Variants in CEL observed in about 807,000 individuals in gnomAD.
CEL encodes the protein bile salt-activated lipase.
A neutral mutation model predicts 57.1 loss-of-function variants in CEL; 39 were observed. The observed-to-expected ratio is 0.68, with a 90% confidence interval of 0.53 to 0.89. The LOEUF is 0.89. CEL is among the 40% of genes least tolerant of loss of function. The pLI, the probability that CEL is intolerant of heterozygous loss-of-function variation, is 0.00. For missense variants in CEL, 698 were observed against 915.0 expected (o/e 0.76, Z 3.06); for synonymous variants, 314 against 396.6 (o/e 0.79, Z 2.48).
At chr9:133,065,739 G>A (rs545181261) in intron 4 of CEL, among the ~76,000 whole-genome samples, 7 of 151,886 alleles carry the variant, frequency 4.6e-5, no homozygotes, top group East Asian at 3.9e-4. Context: ...CCAGCTACTC[G>A]GGAGGCTGAG....
rs200716123 is a variant in CEL, at chr9:133,071,194, G to T, written c.1692G>T (p.Gly564=). The change falls in exon 11 of 11, where the codon GGG becomes GGT. Residue 564 remains glycine, a synonymous_variant. Transcript: ENST00000372080. ...DQEATPVPPT[G]DSEATPVPPT... ...AGGCCACCCCTGTGCCCCCCACAGG[G>T]GACTCCGAGGCCACTCCCGTGCCCC... is the stretch of plus-strand genomic sequence containing the variant. 4.3e-4 allele frequency: 680 copies of T among 1,598,918 alleles called. 3 individuals are homozygous for T. The highest frequency in any genetic ancestry group is 4.2e-4 in the Non-Finnish European group (493 of 1,175,914).
At chr9:133,064,867 C>T in intron 3 of CEL, 105 bp downstream of exon 3, 3 of 1,582,166 alleles carry the variant, frequency 1.9e-6, no homozygotes, top group African/African-American at 1.3e-5. Context: ...TCCATGAAAT[C>T]CCACAGAGGC....
chr9:133,066,995 C>T lies in CEL; in HGVS notation c.777+50C>T, dbSNP rs139832194. 3.4e-5 allele frequency: 54 copies of T among 1,604,448 alleles called. No individual in the cohort carries two copies. Among genetic ancestry groups the T allele is most frequent in the Non-Finnish European group, 4.3e-5 (50 of 1,171,358 alleles). Reference sequence around the variant, plus strand: ...GCGGGGTGGGGGCTGTCCACATTTCCGTTCTTTATCCTGGACCCCATCCTT... The same window carrying T: ...GCGGGGTGGGGGCTGTCCACATTTCTGTTCTTTATCCTGGACCCCATCCTT... On this transcript the variant is annotated intron_variant, in intron 6 of 10. Transcript: ENST00000372080. This position sits in a 1 kb window ranked among gnomAD's most constrained non-coding sequence, Gnocchi z 4.3.
chr9:133,070,873 A>G lies in CEL; in HGVS notation c.1485-114A>G, dbSNP rs1048857227. 18 of 1,346,698 alleles carry G rather than the reference A, an allele frequency of 1.3e-5. No homozygotes were observed. In the African/African-American group the frequency reaches 2.5e-4, roughly 18 times the overall value. 83.4% of individuals were successfully genotyped at this position (1,346,698 alleles called of 1,614,324 possible). On this transcript the variant is annotated intron_variant, in intron 10 of 10. Transcript: ENST00000372080. The stretch of plus-strand genomic sequence containing the variant: ...CAGTGCCCAGTATGCAGTGAGGGGC[A>G]TGGTGCCCAGGGCCAGCTCAGAGGG...
intron 3 of CEL, 38 bp from the exon 4 acceptor site, chr9:133,065,002 C>A: frequency 2.0e-6 from 3 of 1,538,408 alleles, no homozygotes; most frequent in South Asian, 1.3e-5. Flanking sequence ...CAGGGCCAGG[C>A]GGGGCGTCTG....
chr9:133,063,868 T>G (rs1319054944), intron 1 of CEL, among the ~76,000 whole-genome samples: 1 of 152,092 alleles, frequency 6.6e-6, no homozygotes, highest in Non-Finnish European at 1.5e-5. Flanking sequence ...CCATCGACTT[T>G]GTGCCCAGCC....
intron 1 of CEL, among the ~76,000 whole-genome samples, chr9:133,062,833 A>G (rs1377726740): frequency 6.6e-6 from 1 of 151,586 alleles, no homozygotes; most frequent in Non-Finnish European, 1.5e-5. Context: ...GCTGCCTCCT[A>G]TTCCTGTGCA....
At chr9:133,068,271 C>T (rs891110193) in intron 7 of CEL, among the ~76,000 whole-genome samples, 6 of 152,128 alleles carry the variant, frequency 3.9e-5, no homozygotes, top group Admixed American at 3.9e-4. Context: ...AGAGAGGGAG[C>T]TCCTTCTCCA....
chr9:133,065,356 G>A lies in CEL; in HGVS notation c.538+119G>A. On this transcript the variant is annotated intron_variant, in intron 4 of 10. Coordinates refer to ENST00000372080, the MANE Select transcript of CEL (RefSeq NM_001807.6). ...TGGCGGTTCACAGAAAGACCCGGAA[G>A]CTGGAGTAGAATCATGAGATGCAGG... 3.4e-6 allele frequency: 4 copies of A among 1,180,494 alleles called. No homozygotes were observed. The South Asian group carries it at 4.9e-5, about 14-fold the overall frequency. The allele number at this position is 1,180,494 out of a possible 1,614,324, so 73.1% of individuals were successfully genotyped here.
chr9:133,065,787 G>A (rs1457939533), intron 4 of CEL, among the ~76,000 whole-genome samples: 7 of 151,054 alleles, frequency 4.6e-5, no homozygotes, highest in Admixed American at 2.0e-4. Flanking sequence ...CGGAGGTTGC[G>A]GTGAGCCGAG....
Position 133,071,704 on chromosome 9 carries a change from C to T in CEL, c.2202C>T (p.Ala734=). The T allele has an allele frequency of 1.2e-6, 2 of 1,610,892 alleles. No homozygotes were observed. The highest frequency in any genetic ancestry group is 1.7e-6 in the Non-Finnish European group (2 of 1,178,412). ...CCCCCACGGGTGACTCTGAGGCTGC[C>T]CCTGTGCCCCCCACAGATGACTCCA... is the stretch of plus-strand genomic sequence containing the variant. ...PVPPTGDSEA[A]PVPPTDDSKE... is the part of the protein sequence containing the mutation. The change falls in exon 11 of 11, where the codon GCC becomes GCT. Residue 734 remains alanine, a synonymous_variant. Transcript: ENST00000372080.
chr9:133,064,324 G>A, intron 1 of CEL, 80 bp from the exon 2 acceptor site: 1 of 1,593,188 alleles, frequency 6.3e-7, no homozygotes, highest in South Asian at 1.1e-5. Context: ...TGGGCACGCG[G>A]AGTCGGCTTG....
At position 133,064,675 on chromosome 9, in the gene CEL, C is replaced by G. The variant is rs764316476; in HGVS notation, c.253C>G (p.Leu85Val). Residue 85 changes from leucine (L) to valine (V), a missense_variant, in exon 3 of 11, where the codon CTG (leucine) becomes GTG (valine). Leu to Val is a conservative substitution (Grantham distance 32). This residue lies in a region of CEL where 327 missense variants were observed against 374.1 expected (regional missense o/e 0.87). Coordinates refer to ENST00000372080, the MANE Select transcript of CEL (RefSeq NM_001807.6). ...GGCCAAGAACTTCAAGAAGAGATGC[C>G]TGCAGGCCACCATCACCCAGGACAG... Reference protein sequence around the residue: ...LKAKNFKKRCLQATITQDSTY... With the variant: ...LKAKNFKKRCVQATITQDSTY... The G allele has an allele frequency of 3.1e-6, 5 of 1,614,092 alleles. No homozygotes were observed. The South Asian group carries it at 4.4e-5, about 14-fold the overall frequency.
Position 133,071,645 on chromosome 9 carries a change from C to A in CEL, c.2143C>A (p.Pro715Thr), listed in dbSNP as rs201411101. 203 of 1,476,378 alleles carry A rather than the reference C, an allele frequency of 1.4e-4. 5 individuals are homozygous for A. The highest frequency in any genetic ancestry group is 1.7e-4 in the Non-Finnish European group (181 of 1,070,184). The allele number at this position is 1,476,378 out of a possible 1,614,324, so 91.5% of individuals were successfully genotyped here. A position where few individuals can be genotyped will look rare whatever the true frequency, so the allele number is the denominator to read the frequency against. Reference protein sequence around the residue: ...PTGDSETAPVPPTGDSGAPPV... With the variant: ...PTGDSETAPVTPTGDSGAPPV... ...GGGTGACTCCGAGACCGCCCCCGTG[C>A]CGCCCACGGGTGACTCCGGGGCCCC... The change falls in exon 11 of 11, where the codon CCG becomes ACG. Residue 715 changes from proline to threonine, a missense_variant. Coordinates refer to ENST00000372080, the MANE Select transcript of CEL (RefSeq NM_001807.6).
At chr9:133,063,097 G>C (rs1830116274) in intron 1 of CEL, among the ~76,000 whole-genome samples, 1 of 151,802 alleles carries the variant, frequency 6.6e-6, no homozygotes, top group African/African-American at 2.4e-5. Flanking sequence ...AGGCCCTGGG[G>C]ACTCCTGTCT....
Position 133,064,404 on chromosome 9 carries a change from C to G in CEL, c.67C>G (p.Leu23Val). Residue 23 changes from leucine to valine, a missense_variant and splice_region_variant, in exon 2 of 11, where the codon CTG becomes GTG. Coordinates refer to ENST00000372080, the MANE Select transcript of CEL (RefSeq NM_001807.6). ...GACCCTGCCCGTGTCTCCCTCGCAG[C>G]TGGGCGCCGTGTACACAGAAGGTGG... ...CCWAVASAAK[L>V]GAVYTEGGFV... 6.2e-7 allele frequency: 1 copy of G among 1,613,878 alleles called. No individual in the cohort carries two copies. Among genetic ancestry groups the G allele is most frequent in the Non-Finnish European group, 8.5e-7 (1 of 1,180,020 alleles).
rs750642275 is a variant in CEL at position 133,070,562 on chromosome 9, T to G, written c.1388T>G (p.Phe463Cys). Residue 463 changes from phenylalanine to cysteine, a missense_variant, in exon 10 of 11, where the codon TTC (phenylalanine) becomes TGC (cysteine). By Grantham distance (205) the Phe-to-Cys change is radical (BLOSUM62 -2). Transcript: ENST00000372080. Reference sequence around the variant, plus strand: ...CATGCAGATGACATTCAGTACGTTTTCGGGAAGCCCTTCGCCACCCCCACG... The same window carrying G: ...CATGCAGATGACATTCAGTACGTTTGCGGGAAGCCCTTCGCCACCCCCACG... ...ADHADDIQYV[F>C]GKPFATPTGY... The G allele has an allele frequency of 1.4e-5, 23 of 1,613,968 alleles. No individual in the cohort carries two copies. The highest frequency in any genetic ancestry group is 1.6e-5 in the Non-Finnish European group (19 of 1,180,012).
intron 1 of CEL, among the ~76,000 whole-genome samples, chr9:133,063,199 CCTT>C (rs1237610985): frequency 6.6e-6 from 1 of 152,230 alleles, no homozygotes; most frequent in African/African-American, 2.4e-5. Flanking sequence ...GGAGAGGTCA[CCTT>C]CTTCTTGGGC....
Position 133,065,243 on chromosome 9 carries a change from TG to T in CEL, c.538+9del. Reference sequence around the variant, plus strand: ...TGGGGACGCCAATCTGCCAGGTGCGTGGGTGCCTTCGGCCCTGAGGTGGGGC... The same window carrying T: ...TGGGGACGCCAATCTGCCAGGTGCGTGGTGCCTTCGGCCCTGAGGTGGGGC... On this transcript the variant is annotated splice_region_variant and intron_variant, in intron 4 of 10. Coordinates refer to ENST00000372080, the MANE Select transcript of CEL (RefSeq NM_001807.6). 6.2e-7 allele frequency: 1 copy of T among 1,612,346 alleles called. No homozygotes were observed. Among genetic ancestry groups the T allele is most frequent in the Non-Finnish European group, 8.5e-7 (1 of 1,179,952 alleles).
Sources: gnomAD v4.1 joint callset for allele counts (sites outside exome capture counted in the v4.1 genomes callset) on GRCh38, gnomAD v4.1.1 for gene constraint, gnomAD v4.1.1 regional missense constraint, Gnocchi (gnomAD v3.1) non-coding constraint, MANE v1.5 for transcripts, NCBI Gene and HGNC (gene_info 2026-07-23, HGNC 2026-07-21) for gene names.